Variants in BAX observed in about 807,000 individuals in gnomAD.
The protein encoded by BAX is BCL2 associated X, apoptosis regulator.
BAX carries 21 observed loss-of-function variants against 26.8 expected under a neutral mutation model. That is an observed-to-expected ratio of 0.78 (90% CI 0.56 to 1.13). The LOEUF (loss-of-function observed/expected upper bound fraction) is 1.13, where lower values mean the gene tolerates loss of function less well. BAX is among the 50% of genes most tolerant of loss of function. BAX has a pLI of 0.00. For missense variants in BAX, 236 were observed against 254.6 expected, an observed-to-expected ratio of 0.93 and a Z score of 0.50; for synonymous variants, 110 against 101.8, an observed-to-expected ratio of 1.08 and a Z score of -0.49.
intron 4 of BAX, 68 bp downstream of exon 4, chr19:48,956,401 G>A: frequency 2.1e-6 from 3 of 1,440,218 alleles, no homozygotes; most frequent in Non-Finnish European, 2.8e-6. Flanking sequence ...TGGGGATCGT[G>A]GTATCAACCC....
At chr19:48,959,813 C>G (rs1456658986) in intron 4 of BAX, among the ~76,000 whole-genome samples, 5 of 141,158 alleles carry the variant, frequency 3.5e-5, no homozygotes, top group Non-Finnish European at 7.7e-5. Context: ...GCAACAAGAT[C>G]AAAACTCTAT....
intron 4 of BAX, chr19:48,960,366 GTATT>G: frequency 3.0e-6 from 1 of 338,826 alleles, no homozygotes; most frequent in Non-Finnish European, 5.9e-6. Context: ...GCTAATTTTT[GTATT>G]TATTTATTTT....
At chr19:48,960,307 C>T (rs1479683207) in intron 4 of BAX, 1 of 415,592 alleles carries the variant, frequency 2.4e-6, no homozygotes, top group Non-Finnish European at 4.9e-6. Flanking sequence ...GATTCACCTG[C>T]CTCAGCATCC....
At chr19:48,959,248 G>T (rs1473672631) in intron 4 of BAX, among the ~76,000 whole-genome samples, 1 of 151,060 alleles carries the variant, frequency 6.6e-6, no homozygotes, top group Non-Finnish European at 1.5e-5. Flanking sequence ...TACTCGGGAG[G>T]CTGAGGCAGA....
Position 48,955,791 on chromosome 19 carries a change from A to T in BAX, c.191A>T (p.Lys64Met). The T allele has an allele frequency of 6.2e-7, 1 of 1,612,422 alleles. No homozygotes were observed. Among genetic ancestry groups the T allele is most frequent in the Non-Finnish European group, 8.5e-7 (1 of 1,179,304 alleles). The change falls in exon 3 of 6, where the codon AAG becomes ATG. Residue 64 changes from lysine to methionine, a missense_variant. Physicochemically the swap from Lys to Met is moderately conservative, Grantham distance 95 (BLOSUM62 -1). Transcript: ENST00000345358. ...ASTKKLSECL[K>M]RIGDELDSNM... ...ACCAAGAAGCTGAGCGAGTGTCTCAAGCGCATCGGGGACGAACTGGACAGT... is the reference window on the plus strand; with the variant it reads ...ACCAAGAAGCTGAGCGAGTGTCTCATGCGCATCGGGGACGAACTGGACAGT...
chr19:48,954,894 G>C lies in BAX; in HGVS notation c.-35G>C, dbSNP rs551066524. On this transcript the variant is annotated 5_prime_UTR_variant, in exon 1 of 6. Coordinates refer to ENST00000345358, the MANE Select transcript of BAX (RefSeq NM_138761.4). ...CCGGGCGCGCTGCGGCCGCCCGCGCGGACCCGGCGAGAGGCGGCGGCGGGA... is the reference window on the plus strand; with the variant it reads ...CCGGGCGCGCTGCGGCCGCCCGCGCCGACCCGGCGAGAGGCGGCGGCGGGA... The C allele has an allele frequency of 7.3e-6, 9 of 1,228,520 alleles. No homozygotes were observed. Among genetic ancestry groups the C allele is most frequent in the Admixed American group, 4.2e-5 (1 of 23,838 alleles). The allele number at this position is 1,228,520 out of a possible 1,614,324, so 76.1% of individuals were successfully genotyped here.
In BAX at chr19:48,960,848, C is replaced by T. The variant is rs763627965; in HGVS notation, c.408C>T (p.Ile136=). The change falls in exon 5 of 6, where the codon ATC becomes ATT. Residue 136 remains isoleucine, a synonymous_variant. Coordinates refer to ENST00000345358, the MANE Select transcript of BAX (RefSeq NM_138761.4). Reference sequence around the variant, plus strand: ...AGGTGCCGGAACTGATCAGAACCATCATGGGCTGGACATTGGACTTCCTCC... The same window carrying T: ...AGGTGCCGGAACTGATCAGAACCATTATGGGCTGGACATTGGACTTCCTCC... ...CTKVPELIRT[I]MGWTLDFLRE... is the part of the protein sequence containing the mutation. 18 of 1,614,044 alleles carry T rather than the reference C, an allele frequency of 1.1e-5. No individual in the cohort carries two copies. Among genetic ancestry groups the T allele is most frequent in the Non-Finnish European group, 1.4e-5 (17 of 1,180,010 alleles).
intron 4 of BAX, among the ~76,000 whole-genome samples, chr19:48,957,827 T>A (rs1473193402): frequency 6.6e-6 from 1 of 152,344 alleles, no homozygotes; most frequent in Non-Finnish European, 1.5e-5. Flanking sequence ...AGTTGGGGAC[T>A]GTCTGTATAG....
At chr19:48,959,592 A>G (rs1348175492) in intron 4 of BAX, among the ~76,000 whole-genome samples, 1 of 149,880 alleles carries the variant, frequency 6.7e-6, no homozygotes, top group Non-Finnish European at 1.5e-5. Flanking sequence ...AGGCATGCGG[A>G]TCACCTAAGG....
chr19:48,955,017 C>T (rs1191111032), intron 1 of BAX, 55 bp downstream of exon 1: 19 of 1,240,774 alleles, frequency 1.5e-5, no homozygotes, highest in Middle Eastern at 3.0e-4. Context: ...CCGGCCCGTC[C>T]GGGATCCTTC....
intron 4 of BAX, chr19:48,960,284 C>G (rs766675175): frequency 9.2e-6 from 4 of 435,690 alleles, no homozygotes; most frequent in South Asian, 6.4e-5. Flanking sequence ...ACCTCTGCCT[C>G]CTGGGTTCAA....
At chr19:48,961,140 C>T in intron 5 of BAX, 2 of 1,544,652 alleles carry the variant, frequency 1.3e-6, no homozygotes, top group Non-Finnish European at 8.7e-7. Context: ...CCAGTGACCC[C>T]TGACCTCACT....
chr19:48,958,532 C>A (rs1193838858), intron 4 of BAX, among the ~76,000 whole-genome samples: 1 of 40,452 alleles, frequency 2.5e-5, no homozygotes, highest in South Asian at 1.8e-3. Context: ...AGGGATATTT[C>A]TTTCTTTCTT....
chr19:48,956,154 G>C (rs757702927), intron 3 of BAX, 44 bp from the exon 4 acceptor site: 2 of 1,474,390 alleles, frequency 1.4e-6, no homozygotes, highest in Non-Finnish European at 1.8e-6. Flanking sequence ...TCCACCATCA[G>C]CCTGATGCCT....
chr19:48,955,716 G>T lies in BAX; in HGVS notation c.116G>T (p.Gly39Val), dbSNP rs147630961. 2.0e-4 allele frequency: 328 copies of T among 1,612,920 alleles called. 2 individuals are homozygous for T. The highest frequency in any genetic ancestry group is 2.0e-3 in the African/African-American group (150 of 74,952). Residue 39 changes from glycine to valine, a missense_variant, in exon 3 of 6, where the codon GGG becomes GTG. Coordinates refer to ENST00000345358, the MANE Select transcript of BAX (RefSeq NM_138761.4). ...GFIQDRAGRM[G>V]GEAPELALDP... ...ATCCAGGATCGAGCAGGGCGAATGG[G>T]GGGGGAGGCACCCGAGCTGGCCCTG... is the stretch of plus-strand genomic sequence containing the variant.
rs1568604478 is a variant in BAX at position 48,955,738 on chromosome 19, C to T, written c.138C>T (p.Ala46=). The part of the protein sequence containing the change: ...GRMGGEAPEL[A]LDPVPQDAST... ...TGGGGGGGGAGGCACCCGAGCTGGC[C>T]CTGGACCCGGTGCCTCAGGATGCGT... The change falls in exon 3 of 6, where the codon GCC becomes GCT. Residue 46 remains alanine, a synonymous_variant. Coordinates refer to ENST00000345358, the MANE Select transcript of BAX (RefSeq NM_138761.4). 1 of 1,613,516 alleles carries T rather than the reference C, an allele frequency of 6.2e-7. No individual in the cohort carries two copies. Among genetic ancestry groups the T allele is most frequent in the South Asian group, 1.1e-5 (1 of 91,022 alleles).
In BAX at chr19:48,957,815, T is replaced by C. The variant is rs564159019; in HGVS notation, c.369+1482T>C. Among the ~76,000 whole-genome samples, 6 of 152,326 alleles carry C rather than the reference T, an allele frequency of 3.9e-5. No individual in the cohort carries two copies. In the East Asian group the frequency reaches 1.2e-3, roughly 29 times the overall value. On this transcript the variant is annotated intron_variant, in intron 4 of 5. Transcript: ENST00000345358. ...GTCAAAATTGTAAGTCAAACCGTCA[T>C]AAGTTGGGGACTGTCTGTATAGCAA... is the stretch of plus-strand genomic sequence containing the variant.
At position 48,961,564 on chromosome 19, in the gene BAX, G is replaced by A. The variant is rs771956472; in HGVS notation, c.507G>A (p.Thr169=). The change falls in exon 6 of 6, where the codon ACG becomes ACA. Residue 169 remains threonine (T), a synonymous_variant. Coordinates refer to ENST00000345358, the MANE Select transcript of BAX (RefSeq NM_138761.4). ...TCCTCTCCTACTTTGGGACGCCCACGTGGCAGACCGTGACCATCTTTGTGG... is the reference window on the plus strand; with the variant it reads ...TCCTCTCCTACTTTGGGACGCCCACATGGCAGACCGTGACCATCTTTGTGG... The part of the protein sequence containing the change: ...DGLLSYFGTP[T]WQTVTIFVAG... 14 of 1,611,500 alleles carry A rather than the reference G, an allele frequency of 8.7e-6. No homozygotes were observed. Among genetic ancestry groups the A allele is most frequent in the South Asian group, 2.2e-5 (2 of 90,272 alleles).
chr19:48,956,150 A>C, intron 3 of BAX, 48 bp from the exon 4 acceptor site: 1 of 1,469,524 alleles, frequency 6.8e-7, no homozygotes, highest in Non-Finnish European at 9.0e-7. Context: ...ATTTTCCACC[A>C]TCAGCCTGAT....
Sources: gnomAD v4.1 joint callset for allele counts (sites outside exome capture counted in the v4.1 genomes callset) on GRCh38, gnomAD v4.1.1 for gene constraint, MANE v1.5 for transcripts, NCBI Gene and HGNC (gene_info 2026-07-23, HGNC 2026-07-21) for gene names.